Variants in EYS observed in about 807,000 individuals in gnomAD.
EYS encodes the protein EGF-like photoreceptor maintenance factor.
In EYS, 250 loss-of-function variants were observed where a neutral mutation model predicts 282.1. That is an observed-to-expected ratio of 0.89 (90% CI 0.80 to 0.98). The LOEUF is 0.98. Ranked by LOEUF, EYS falls within the 50% of genes least tolerant of loss-of-function variation. The probability of loss-of-function intolerance (pLI) is 0.00; values close to 1 mark genes in which losing one functional copy is unlikely to be tolerated. For synonymous variants in EYS, 1,355 were observed against 1,282.9 expected, an observed-to-expected ratio of 1.06 and a Z score of -1.20; for missense variants, 4,016 against 3,709.0, an observed-to-expected ratio of 1.08 and a Z score of -2.15.
chr6:64,091,963 A>C (rs901480639), intron 31 of EYS, among the ~76,000 whole-genome samples: 4 of 151,852 alleles, frequency 2.6e-5, no homozygotes, highest in African/African-American at 9.7e-5. Context: ...ATGTGTTCTC[A>C]TTGTTCAATT....
intron 2 of EYS, among the ~76,000 whole-genome samples, chr6:65,510,290 GT>G (rs1766820660): frequency 6.7e-6 from 1 of 150,304 alleles, no homozygotes; most frequent in African/African-American, 2.4e-5. Flanking sequence ...TCTTGCGATA[GT>G]TTACTGAGAA....
At chr6:64,355,729 C>T (rs1285515978) in intron 29 of EYS, among the ~76,000 whole-genome samples, 2 of 151,494 alleles carry the variant, frequency 1.3e-5, no homozygotes, top group African/African-American at 2.4e-5. Context: ...CTCCTGTGCA[C>T]AAGACAGATG....
At chr6:65,284,796 G>A (rs1226885392) in intron 12 of EYS, among the ~76,000 whole-genome samples, 4 of 151,948 alleles carry the variant, frequency 2.6e-5, no homozygotes, top group Admixed American at 6.6e-5. Flanking sequence ...TTGTTGAAGC[G>A]TATTTAAAAA....
intron 14 of EYS, among the ~76,000 whole-genome samples, chr6:64,986,260 C>T (rs964508457): frequency 1.3e-5 from 2 of 151,446 alleles, no homozygotes; most frequent in African/African-American, 4.8e-5. Flanking sequence ...AATCTTGTTT[C>T]ATTTCCTTTG....
At chr6:63,734,334 ATAT>A (rs2149636954) in intron 41 of EYS, among the ~76,000 whole-genome samples, 1 of 152,280 alleles carries the variant, frequency 6.6e-6, no homozygotes, top group South Asian at 2.1e-4. Flanking sequence ...GTCTCTCTAC[ATAT>A]TATGGCTATT....
intron 41 of EYS, among the ~76,000 whole-genome samples, chr6:63,757,552 T>C (rs1582177304): frequency 6.6e-6 from 1 of 152,150 alleles, no homozygotes; most frequent in Non-Finnish European, 1.5e-5. Context: ...CTACTCCCTG[T>C]TCATACACCC....
intron 26 of EYS, among the ~76,000 whole-genome samples, chr6:64,518,784 C>CCCCG (rs1554169756): frequency 6.6e-6 from 1 of 150,560 alleles, no homozygotes; most frequent in Non-Finnish European, 1.5e-5. Context: ...TAAGGGGCCC[C>CCCCG]CCCCTTCTCA....
intron 12 of EYS, among the ~76,000 whole-genome samples, chr6:65,273,818 AGCTTTTTGTATGC>A (rs1319828166): frequency 6.6e-6 from 1 of 152,156 alleles, no homozygotes; most frequent in Non-Finnish European, 1.5e-5. Flanking sequence ...TTCAAGGTTC[AGCTTTTTGTATGC>A]GAATCCACTG....
At chr6:64,817,241 C>T (rs982262208) in intron 21 of EYS, among the ~76,000 whole-genome samples, 5 of 152,028 alleles carry the variant, frequency 3.3e-5, no homozygotes, top group Admixed American at 3.3e-4. Context: ...ATGAGAAGAA[C>T]TTGTTAAATA....
At chr6:65,256,358 T>G (rs867232194) in intron 12 of EYS, among the ~76,000 whole-genome samples, 1 of 140,552 alleles carries the variant, frequency 7.1e-6, no homozygotes, top group Non-Finnish European at 1.5e-5. Flanking sequence ...CATGCTGGTG[T>G]GCTGCACCCA....
intron 29 of EYS, among the ~76,000 whole-genome samples, chr6:64,355,900 G>A (rs1771806895): frequency 6.6e-6 from 1 of 151,534 alleles, no homozygotes; most frequent in Admixed American, 6.6e-5. Flanking sequence ...TCCAGCTCAG[G>A]GAATCTGGGA....
intron 2 of EYS, among the ~76,000 whole-genome samples, chr6:65,610,518 G>T (rs1211270697): frequency 6.6e-6 from 1 of 151,944 alleles, no homozygotes; most frequent in Non-Finnish European, 1.5e-5. Context: ...TTGTCAAAAG[G>T]TGCATTTTTT....
chr6:63,723,431 A>C (rs983985353), intron 42 of EYS, among the ~76,000 whole-genome samples: 2 of 152,194 alleles, frequency 1.3e-5, no homozygotes, highest in South Asian at 4.1e-4. Context: ...TATCTTTTGC[A>C]AGATTATGGA....
chr6:64,685,330 G>A (rs187680692), intron 22 of EYS, among the ~76,000 whole-genome samples: 70 of 152,206 alleles, frequency 4.6e-4, no homozygotes, highest in Non-Finnish European at 8.1e-4. Flanking sequence ...TCTTATTAAT[G>A]ATACAGAAGT....
intron 26 of EYS, among the ~76,000 whole-genome samples, chr6:64,580,443 G>A (rs1184563945): frequency 6.6e-6 from 1 of 152,110 alleles, no homozygotes; most frequent in Non-Finnish European, 1.5e-5. Flanking sequence ...AATTCTGATA[G>A]ACTGGGCAAT....
chr6:64,521,059 C>A (rs145216209), intron 26 of EYS, among the ~76,000 whole-genome samples: 2,356 of 151,818 alleles, frequency 0.016, 17 homozygotes, highest in East Asian at 0.031. Flanking sequence ...TGACAGAAAA[C>A]GAAGTGACAT....
chr6:64,698,011 T>A (rs1770645519), intron 22 of EYS, among the ~76,000 whole-genome samples: 1 of 151,842 alleles, frequency 6.6e-6, no homozygotes, highest in African/African-American at 2.4e-5. Context: ...TACAGCAGTA[T>A]AAAACTAGAA....
intron 26 of EYS, among the ~76,000 whole-genome samples, chr6:64,548,223 C>T (rs1764944971): frequency 6.6e-6 from 1 of 151,950 alleles, no homozygotes; most frequent in Non-Finnish European, 1.5e-5. Context: ...GCTGTCACCT[C>T]TCAGTGGGAC....
chr6:64,762,439 T>C (rs1773188357), intron 22 of EYS, among the ~76,000 whole-genome samples: 1 of 152,184 alleles, frequency 6.6e-6, no homozygotes, highest in Non-Finnish European at 1.5e-5. Flanking sequence ...GGAGCAAATA[T>C]CAGTTGCTTG....
Sources: allele counts gnomAD v4.1 joint callset (sites outside exome capture counted in the v4.1 genomes callset), GRCh38; gene constraint gnomAD v4.1.1; transcripts MANE v1.5; gene names NCBI Gene and HGNC (gene_info 2026-07-23, HGNC 2026-07-21).